Variants in AGBL1 observed in about 807,000 individuals in gnomAD.
AGBL1 encodes the protein cytosolic carboxypeptidase 4.
AGBL1 carries 130 observed loss-of-function variants against 118.9 expected under a neutral mutation model. The ratio of observed to expected loss-of-function variants is 1.09; its 90% CI spans 0.95 to 1.26. The LOEUF is 1.26. Among genes scored for constraint, AGBL1 ranks in the 50% most tolerant of loss-of-function variants. The pLI is 0.00. For missense variants in AGBL1, 1,584 were observed against 1,298.1 expected (o/e 1.22, Z -3.38); for synonymous variants, 555 against 478.9 (o/e 1.16, Z -2.08).
At chr15:86,236,930 G>GCC (rs2078554275) in intron 6 of AGBL1, among the ~76,000 whole-genome samples, 1 of 44,904 alleles carries the variant, frequency 2.2e-5, no homozygotes, top group Non-Finnish European at 5.4e-5. Flanking sequence ...GGGATATGTG[G>GCC]GCGGGGGGGG....
intron 22 of AGBL1, among the ~76,000 whole-genome samples, chr15:86,697,162 G>A (rs1277449141): frequency 6.6e-6 from 1 of 151,848 alleles, no homozygotes; most frequent in Non-Finnish European, 1.5e-5. Context: ...GGCCAGGGAA[G>A]TTTTCCTCAA....
chr15:86,664,825 T>C (rs967487570), intron 21 of AGBL1, among the ~76,000 whole-genome samples: 21 of 148,886 alleles, frequency 1.4e-4, no homozygotes, highest in African/African-American at 4.9e-4. Flanking sequence ...TTTAATTTTA[T>C]TTGTAGATTT....
chr15:86,725,191 C>T (rs1413064593), intron 22 of AGBL1, among the ~76,000 whole-genome samples: 1 of 152,172 alleles, frequency 6.6e-6, no homozygotes, highest in Non-Finnish European at 1.5e-5. Context: ...CAATATATGA[C>T]AAGCTACAGG....
rs148340024 is a variant in AGBL1, at chr15:86,503,870, T to C, written c.2556-18940T>C. Among the ~76,000 whole-genome samples the C allele has an allele frequency of 3.0e-3, 462 of 151,712 alleles. 5 individuals are homozygous for C. Among genetic ancestry groups the C allele is most frequent in the African/African-American group, 8.7e-3 (359 of 41,502 alleles). ...ACCATGTGATCTACTCTACAGAATG[T>C]GTGCACTTGGGAAAAATGTGCTTTC... On this transcript the variant is annotated intron_variant, in intron 18 of 22. Transcript: ENST00000614907.
At chr15:86,703,311 A>G (rs934455656) in intron 22 of AGBL1, among the ~76,000 whole-genome samples, 5 of 152,132 alleles carry the variant, frequency 3.3e-5, no homozygotes. Flanking sequence ...TGAGCATAAC[A>G]TGGTGGTAAG....
At chr15:86,080,472 T>C (rs1374085440) in intron 1 of AGBL1, among the ~76,000 whole-genome samples, 3 of 152,130 alleles carry the variant, frequency 2.0e-5, no homozygotes. Context: ...GGCTCCCACA[T>C]TGTAGTTACA....
At chr15:86,569,925 G>C (rs1016655696) in intron 21 of AGBL1, among the ~76,000 whole-genome samples, 3 of 152,168 alleles carry the variant, frequency 2.0e-5, no homozygotes, top group Non-Finnish European at 4.4e-5. Flanking sequence ...TGACAAAGAA[G>C]AAGAAAAGAT....
At chr15:86,156,963 T>C (rs1323212351) in intron 4 of AGBL1, among the ~76,000 whole-genome samples, 1 of 152,026 alleles carries the variant, frequency 6.6e-6, no homozygotes, top group Non-Finnish European at 1.5e-5. Context: ...CTAATTTTTG[T>C]ATTTTTAGTA....
chr15:86,810,208 A>G (rs1415561565), intron 22 of AGBL1, among the ~76,000 whole-genome samples: 2 of 152,238 alleles, frequency 1.3e-5, no homozygotes, highest in African/African-American at 2.4e-5. Context: ...TGTGAGAGAG[A>G]GGGAAAGACA....
chr15:86,440,915 G>A (rs1057030947), intron 18 of AGBL1, among the ~76,000 whole-genome samples: 5 of 152,150 alleles, frequency 3.3e-5, no homozygotes, highest in African/African-American at 1.2e-4. Flanking sequence ...TCAGGCATAG[G>A]AAACAGGCTC....
chr15:86,397,965 G>T (rs1009936710), intron 18 of AGBL1, among the ~76,000 whole-genome samples: 1 of 152,094 alleles, frequency 6.6e-6, no homozygotes, highest in Non-Finnish European at 1.5e-5. Context: ...TCACATGGTG[G>T]GTTAATGATA....
intron 17 of AGBL1, among the ~76,000 whole-genome samples, chr15:86,342,621 A>G (rs2080478172): frequency 6.6e-6 from 1 of 152,216 alleles, no homozygotes; most frequent in African/African-American, 2.4e-5. Flanking sequence ...GATGATGAAT[A>G]CCTTGGACTT....
At chr15:86,664,487 G>C (rs1051512072) in intron 21 of AGBL1, among the ~76,000 whole-genome samples, 30 of 152,274 alleles carry the variant, frequency 2.0e-4, no homozygotes, top group African/African-American at 5.8e-4. Context: ...AACTCCAAAA[G>C]TCACTGTCTT....
chr15:86,543,200 C>T (rs188489605), intron 19 of AGBL1, among the ~76,000 whole-genome samples: 37 of 148,568 alleles, frequency 2.5e-4, no homozygotes, highest in African/African-American at 3.6e-4. Flanking sequence ...AGTGTTTGCC[C>T]TATTGTTTAC....
chr15:86,783,485 A>G (rs970927068), intron 22 of AGBL1, among the ~76,000 whole-genome samples: 9 of 152,298 alleles, frequency 5.9e-5, no homozygotes, highest in African/African-American at 1.4e-4. Flanking sequence ...TGTGTGGTCT[A>G]TGTGTCCAAG....
At chr15:86,224,419 CT>C (rs1232016164) in intron 5 of AGBL1, among the ~76,000 whole-genome samples, 3 of 152,178 alleles carry the variant, frequency 2.0e-5, no homozygotes, top group Admixed American at 1.3e-4. Context: ...GAAACAGCCT[CT>C]CTTTGCAATG....
At chr15:86,705,802 A>G (rs899227612) in intron 22 of AGBL1, among the ~76,000 whole-genome samples, 7 of 152,172 alleles carry the variant, frequency 4.6e-5, no homozygotes. Flanking sequence ...AGGTGTCTCT[A>G]GTGCTTTGAA....
rs140990055 is a variant in AGBL1 at position 86,556,424 on chromosome 15, C to G, written c.2994+1887C>G. 1,499 of 673,498 alleles carry G rather than the reference C, an allele frequency of 2.2e-3. 16 individuals are homozygous for G. In the African/African-American group the frequency reaches 0.023, roughly 10 times the overall value. 41.7% of individuals were successfully genotyped at this position (673,498 alleles called of 1,614,324 possible). A position where few individuals can be genotyped will look rare whatever the true frequency, so the allele number is the denominator to read the frequency against. On this transcript the variant is annotated intron_variant, in intron 21 of 22. Coordinates refer to ENST00000614907, the MANE Select transcript of AGBL1 (RefSeq NM_001386094.1). ...GGTTTTGGTTTAAGAATCCCATTCT[C>G]TATATGAAAAACACTTCTCCGAATG...
intron 7 of AGBL1, among the ~76,000 whole-genome samples, chr15:86,250,124 C>T (rs1444025406): frequency 6.6e-6 from 1 of 152,102 alleles, no homozygotes; most frequent in East Asian, 1.9e-4. Context: ...AGTAAATAGG[C>T]CATGACACAT....
Sources: gnomAD v4.1 joint callset for allele counts (sites outside exome capture counted in the v4.1 genomes callset) on GRCh38, gnomAD v4.1.1 for gene constraint, MANE v1.5 for transcripts, NCBI Gene and HGNC (gene_info 2026-07-23, HGNC 2026-07-21) for gene names.